SHB: variants seen among roughly 807,000 people sequenced by gnomAD.
The protein encoded by SHB is SH2 domain containing adaptor protein B.
Under a neutral mutation model 52.3 loss-of-function variants are expected in SHB, and 20 were observed. The observed-to-expected ratio is 0.38, with a 90% CI of 0.27 to 0.56. The LOEUF (loss-of-function observed/expected upper bound fraction) is 0.56. Among genes scored for constraint, SHB ranks in the 20% least tolerant of loss-of-function variants. The pLI, the probability that SHB is intolerant of heterozygous loss-of-function variation, is 0.71. For missense variants in SHB, 825 were observed against 723.3 expected (o/e 1.14, Z -1.61); for synonymous variants, 397 against 316.5 (o/e 1.25, Z -2.70).
chr9:38,024,896 G>T (rs1821322113), intron 1 of SHB, among the ~76,000 whole-genome samples: 2 of 152,188 alleles, frequency 1.3e-5, no homozygotes, highest in African/African-American at 4.8e-5. Context: ...GTGTGTGCAT[G>T]ATTTCTGCAA....
intron 5 of SHB, among the ~76,000 whole-genome samples, chr9:37,931,163 T>A (rs1832307175): frequency 1.3e-5 from 2 of 152,132 alleles, no homozygotes; most frequent in South Asian, 4.1e-4. Flanking sequence ...TATAAAACTC[T>A]TACAGCCCAG....
At chr9:38,056,755 T>C (rs1341531447) in intron 1 of SHB, among the ~76,000 whole-genome samples, 1 of 152,188 alleles carries the variant, frequency 6.6e-6, no homozygotes, top group Non-Finnish European at 1.5e-5. Flanking sequence ...ATTACAAACT[T>C]TAAAAAATGT....
chr9:37,958,305 AGAG>A (rs1832658109), intron 3 of SHB, among the ~76,000 whole-genome samples: 1 of 152,182 alleles, frequency 6.6e-6, no homozygotes, highest in Non-Finnish European at 1.5e-5. Flanking sequence ...GTGCACCATG[AGAG>A]GAGGACTACG....
At chr9:37,965,219 G>T (rs1832736146) in intron 3 of SHB, among the ~76,000 whole-genome samples, 1 of 152,196 alleles carries the variant, frequency 6.6e-6, no homozygotes, top group African/African-American at 2.4e-5. Flanking sequence ...AGGTCGGGGG[G>T]ACAAGCCAGG....
intron 1 of SHB, among the ~76,000 whole-genome samples, chr9:38,021,690 G>A (rs1262010344): frequency 6.6e-6 from 1 of 151,800 alleles, no homozygotes; most frequent in Non-Finnish European, 1.5e-5. Flanking sequence ...AAAAAAGAAT[G>A]ATGAGAGAGG....
intron 1 of SHB, among the ~76,000 whole-genome samples, chr9:38,019,358 GGCGT>G (rs1296207479): frequency 6.6e-6 from 1 of 152,212 alleles, no homozygotes; most frequent in African/African-American, 2.4e-5. Flanking sequence ...CCCACTGCAG[GGCGT>G]TGTCAGTCAC....
chr9:37,929,242 C>T (rs971458877), intron 5 of SHB, among the ~76,000 whole-genome samples: 1 of 152,230 alleles, frequency 6.6e-6, no homozygotes, highest in East Asian at 1.9e-4. Context: ...TCGCCAGGTG[C>T]GGAGGTGCCG....
chr9:37,923,372 G>A (rs1832206071), intron 5 of SHB, among the ~76,000 whole-genome samples: 3 of 152,204 alleles, frequency 2.0e-5, no homozygotes, highest in South Asian at 4.1e-4. Flanking sequence ...CCCACACAAG[G>A]GGCTGTGCCG....
At chr9:37,997,943 G>A (rs1213174333) in intron 2 of SHB, among the ~76,000 whole-genome samples, 1 of 152,234 alleles carries the variant, frequency 6.6e-6, no homozygotes, top group African/African-American at 2.4e-5. Context: ...CCTGGGATGG[G>A]ATGGGGATGA....
intron 2 of SHB, among the ~76,000 whole-genome samples, chr9:37,985,805 G>C (rs1206539306): frequency 6.6e-6 from 1 of 152,204 alleles, no homozygotes. Context: ...TCATGGCTTA[G>C]CAGGAGAATC....
Position 37,920,331 on chromosome 9 carries a change from A to AAAACTAAACTAAACT in SHB, c.1347-328_1347-327insAGTTTAGTTTAGTTT, listed in dbSNP as rs1554697021. Among the ~76,000 whole-genome samples the AAAACTAAACTAAACT allele has an allele frequency of 9.2e-5, 12 of 130,746 alleles. 3 individuals carry two copies. The highest frequency in any genetic ancestry group is 3.4e-4 in the African/African-American group (12 of 34,902). 85.8% of individuals were successfully genotyped at this position (130,746 alleles called of 152,430 possible). A position where few individuals can be genotyped will look rare whatever the true frequency, so the allele number is the denominator to read the frequency against. ...AAAACAAAACAAAACAAAACAAAACAAAACTTAGTCCCTCTTTTCTATTAC... is the reference window on the plus strand; with the variant it reads ...AAAACAAAACAAAACAAAACAAAACAAAACTAAACTAAACTAAACTTAGTCCCTCTTTTCTATTAC... On this transcript the variant is annotated intron_variant, in intron 5 of 5. Transcript: ENST00000377707.
intron 1 of SHB, among the ~76,000 whole-genome samples, chr9:38,034,855 CCTGG>C (rs1472169003): frequency 1.3e-5 from 2 of 152,218 alleles, no homozygotes; most frequent in Non-Finnish European, 1.5e-5. Flanking sequence ...CACCACCATG[CCTGG>C]CTATTTTTTG....
Position 38,039,680 on chromosome 9 carries a change from A to G in SHB, c.718-23549T>C, listed in dbSNP as rs1481005200. On this transcript the variant is annotated intron_variant, in intron 1 of 5. Coordinates refer to ENST00000377707, the MANE Select transcript of SHB (RefSeq NM_003028.3). Reference sequence around the variant, plus strand: ...ACACAAGGGCAGTAAAACACGTAGCAAAGGGGTCATCCGGAAACAGCCCTG... The same window carrying G: ...ACACAAGGGCAGTAAAACACGTAGCGAAGGGGTCATCCGGAAACAGCCCTG... Among the ~76,000 whole-genome samples the G allele has an allele frequency of 3.3e-5, 5 of 152,274 alleles. 1 individual carries two copies. The highest frequency in any genetic ancestry group is 7.3e-5 in the Non-Finnish European group (5 of 68,048).
At chr9:38,036,436 A>G (rs116277358) in intron 1 of SHB, among the ~76,000 whole-genome samples, 434 of 152,328 alleles carry the variant, frequency 2.8e-3, no homozygotes, top group African/African-American at 9.6e-3. Context: ...TGACACCACT[A>G]AAGACTTGCC....
intron 2 of SHB, among the ~76,000 whole-genome samples, chr9:37,986,569 C>A (rs1820809147): frequency 6.6e-6 from 1 of 152,222 alleles, no homozygotes; most frequent in South Asian, 2.1e-4. Context: ...TAACTAGACA[C>A]TGATAATCTG....
At chr9:38,014,785 G>A (rs577403999) in intron 2 of SHB, among the ~76,000 whole-genome samples, 2 of 152,200 alleles carry the variant, frequency 1.3e-5, no homozygotes, top group Non-Finnish European at 2.9e-5. Flanking sequence ...GAACAGCAAA[G>A]GCAGAGCCTA....
chr9:37,968,279 TC>T (rs1820553092), intron 3 of SHB, among the ~76,000 whole-genome samples: 1 of 152,184 alleles, frequency 6.6e-6, no homozygotes, highest in Non-Finnish European at 1.5e-5. Flanking sequence ...GTTGTGACCA[TC>T]CCCATTTTAC....
At chr9:37,933,545 C>T (rs188000174) in intron 5 of SHB, among the ~76,000 whole-genome samples, 1 of 152,196 alleles carries the variant, frequency 6.6e-6, no homozygotes, top group East Asian at 1.9e-4. Context: ...CCACCAGTAC[C>T]CAGAGACTTA....
At chr9:37,987,554 G>A (rs1224870368) in intron 2 of SHB, among the ~76,000 whole-genome samples, 1 of 152,230 alleles carries the variant, frequency 6.6e-6, no homozygotes, top group Non-Finnish European at 1.5e-5. Context: ...CTCCAGCTCT[G>A]TCCGGATCCC....
Sources: allele counts gnomAD v4.1 joint callset (sites outside exome capture counted in the v4.1 genomes callset), GRCh38; gene constraint gnomAD v4.1.1; transcripts MANE v1.5; gene names NCBI Gene and HGNC (gene_info 2026-07-23, HGNC 2026-07-21).